DSCAM: variants seen among roughly 807,000 people sequenced by gnomAD.
The protein encoded by DSCAM is DS cell adhesion molecule.
A neutral mutation model predicts 217.7 loss-of-function variants in DSCAM; 47 were observed. That is an observed-to-expected ratio of 0.22 (90% CI 0.17 to 0.28). DSCAM has a LOEUF of 0.28. Among genes scored for constraint, DSCAM ranks in the 10% least tolerant of loss-of-function variants. DSCAM has a pLI of 1.00. For synonymous variants in DSCAM, 1,056 were observed against 1,015.3 expected (o/e 1.04, Z -0.76); for missense variants, 2,080 against 2,618.3 (o/e 0.79, Z 4.49).
Position 40,255,737 on chromosome 21 carries a change from T to C in DSCAM, c.2356+20360A>G, listed in dbSNP as rs1308187486. ...CCCACACTTGGCTAATTCTGAGATGTAAGTGATTATATGCAAGGAATAGAA... is the reference window on the plus strand; with the variant it reads ...CCCACACTTGGCTAATTCTGAGATGCAAGTGATTATATGCAAGGAATAGAA... On this transcript the variant is annotated intron_variant, in intron 11 of 32. Coordinates refer to ENST00000400454, the MANE Select transcript of DSCAM (RefSeq NM_001389.5). 3.9e-5 allele frequency among the ~76,000 whole-genome samples: 6 copies of C among 152,138 alleles called. No individual in the cohort carries two copies. The East Asian group carries it at 9.6e-4, about 24-fold the overall frequency.
chr21:40,055,982 G>GA (rs1476564533), intron 28 of DSCAM, 142 bp from the exon 29 acceptor site: 26 of 528,308 alleles, frequency 4.9e-5, no homozygotes, highest in Non-Finnish European at 8.2e-5. Context: ...TACATACTAT[G>GA]AAAACGTTTC....
chr21:40,196,214 T>C (rs1251055550), intron 11 of DSCAM, among the ~76,000 whole-genome samples: 1 of 152,000 alleles, frequency 6.6e-6, no homozygotes, highest in Non-Finnish European at 1.5e-5. Flanking sequence ...ACATATGTCT[T>C]ACCAAAAGGA....
rs536259902 is a variant in DSCAM, at chr21:40,423,384, G to A, written c.509-54139C>T. Among the ~76,000 whole-genome samples, 6 of 152,234 alleles carry A rather than the reference G, an allele frequency of 3.9e-5. No individual in the cohort carries two copies. The South Asian group carries it at 1.0e-3, about 26-fold the overall frequency. On this transcript the variant is annotated intron_variant, in intron 3 of 32. Coordinates refer to ENST00000400454, the MANE Select transcript of DSCAM (RefSeq NM_001389.5). ...AGAGATTGAGAACATGTATGTAAAC[G>A]GTGTTACAACTTCCTAAACACACTG...
intron 3 of DSCAM, among the ~76,000 whole-genome samples, chr21:40,436,312 CT>C (rs892037412): frequency 1.1e-4 from 16 of 152,254 alleles, no homozygotes; most frequent in Admixed American, 2.6e-4. Flanking sequence ...AAATTTCCCC[CT>C]GAGATGGTTA....
In DSCAM at chr21:40,353,675, C is replaced by T. The variant is rs1202833886; in HGVS notation, c.724G>A (p.Val242Met). ...CCGAGCGCTTTGCAAGGCAGCTCCA[C>T]ACGCTGCCCAGCCATGGCTTTGCGA... ...DHRKAMAGQR[V>M]ELPCKALGHP... Residue 242 changes from valine (V) to methionine (M), a missense_variant, in exon 5 of 33, where the codon GTG becomes ATG. Around this residue, in one of 5 missense-constraint regions of DSCAM, gnomAD observed 568 missense variants for 678.1 expected, o/e 0.84. Coordinates refer to ENST00000400454, the MANE Select transcript of DSCAM (RefSeq NM_001389.5). 2 of 1,609,170 alleles carry T rather than the reference C, an allele frequency of 1.2e-6. No homozygotes were observed. Among genetic ancestry groups the T allele is most frequent in the Non-Finnish European group, 1.7e-6 (2 of 1,178,694 alleles).
intron 11 of DSCAM, among the ~76,000 whole-genome samples, chr21:40,254,819 A>G (rs903176043): frequency 5.3e-5 from 8 of 151,506 alleles, no homozygotes; most frequent in Non-Finnish European, 1.2e-4. Flanking sequence ...GCCTAAGACA[A>G]TCCTCCTTTA....
At chr21:40,460,590 G>A (rs1311029893) in intron 3 of DSCAM, among the ~76,000 whole-genome samples, 5 of 152,116 alleles carry the variant, frequency 3.3e-5, no homozygotes, top group African/African-American at 7.2e-5. Flanking sequence ...TAAACTGTGA[G>A]TAAATCCTAT....
intron 8 of DSCAM, 87 bp from the exon 9 acceptor site, chr21:40,312,446 G>GT: frequency 7.0e-7 from 1 of 1,436,442 alleles, no homozygotes; most frequent in Non-Finnish European, 9.4e-7. Context: ...TGAAAGGGTA[G>GT]TACAGACGAT....
intron 3 of DSCAM, among the ~76,000 whole-genome samples, chr21:40,583,435 G>T (rs533087610): frequency 2.6e-5 from 4 of 152,194 alleles, no homozygotes; most frequent in African/African-American, 9.6e-5. Context: ...TTCTCGGCCT[G>T]GTACATGGAA....
intron 6 of DSCAM, among the ~76,000 whole-genome samples, chr21:40,346,669 C>A (rs1419321013): frequency 6.6e-6 from 1 of 151,860 alleles, no homozygotes; most frequent in African/African-American, 2.4e-5. Context: ...TATGCAGTAA[C>A]CAGTTAAAAA....
chr21:40,237,922 T>C (rs78379171), intron 11 of DSCAM, among the ~76,000 whole-genome samples: 2,225 of 152,348 alleles, frequency 0.015, 73 homozygotes, highest in African/African-American at 0.051. Context: ...TCTCAAGATC[T>C]TTCCCTTAAT....
At chr21:40,452,987 C>G (rs2075732372) in intron 3 of DSCAM, among the ~76,000 whole-genome samples, 1 of 150,578 alleles carries the variant, frequency 6.6e-6, no homozygotes, top group Non-Finnish European at 1.5e-5. Flanking sequence ...CTTTCTTTGC[C>G]TGCTGCTAGA....
chr21:40,082,972 C>G (rs909632150), intron 24 of DSCAM, among the ~76,000 whole-genome samples: 10 of 152,192 alleles, frequency 6.6e-5, no homozygotes, highest in Admixed American at 4.6e-4. Context: ...CCTTCTTTCT[C>G]TCTCAGAAGA....
intron 3 of DSCAM, among the ~76,000 whole-genome samples, chr21:40,648,285 A>ACT (rs1555876126): frequency 1.4e-5 from 2 of 147,542 alleles, no homozygotes; most frequent in Non-Finnish European, 3.0e-5. Flanking sequence ...ACACACACTC[A>ACT]CACACTGCTC....
intron 1 of DSCAM, among the ~76,000 whole-genome samples, chr21:40,712,411 C>T (rs1201011495): frequency 1.5e-5 from 2 of 136,086 alleles, no homozygotes; most frequent in Non-Finnish European, 3.0e-5. Context: ...TGCAGTGAGC[C>T]GAGATTGCGC....
At chr21:40,252,544 T>G (rs2073319390) in intron 11 of DSCAM, among the ~76,000 whole-genome samples, 1 of 152,190 alleles carries the variant, frequency 6.6e-6, no homozygotes, top group African/African-American at 2.4e-5. Flanking sequence ...AAGGAGAGAT[T>G]TTTCTACCTT....
At chr21:40,507,028 C>T (rs2076215211) in intron 3 of DSCAM, among the ~76,000 whole-genome samples, 1 of 152,214 alleles carries the variant, frequency 6.6e-6, no homozygotes, top group Non-Finnish European at 1.5e-5. Flanking sequence ...CCTGTAATCC[C>T]AGCACTGTGG....
chr21:40,580,113 G>A (rs941778969), intron 3 of DSCAM, among the ~76,000 whole-genome samples: 2 of 148,670 alleles, frequency 1.3e-5, no homozygotes, highest in Non-Finnish European at 3.0e-5. Context: ...ACAGAGTCTC[G>A]CTCTGTTGCC....
At chr21:40,101,726 G>A (rs2089753841) in intron 20 of DSCAM, among the ~76,000 whole-genome samples, 1 of 151,766 alleles carries the variant, frequency 6.6e-6, no homozygotes, top group South Asian at 2.1e-4. Flanking sequence ...CTTATGTAAT[G>A]AACCATCTCA....
Sources: allele counts gnomAD v4.1 joint callset (sites outside exome capture counted in the v4.1 genomes callset), GRCh38; gene constraint gnomAD v4.1.1; regional missense constraint gnomAD v4.1.1; transcripts MANE v1.5; gene names NCBI Gene and HGNC (gene_info 2026-07-23, HGNC 2026-07-21).